POSTN: variants seen among roughly 807,000 people sequenced by gnomAD.
POSTN encodes periostin, also known as osteoblast specific factor 2 (fasciclin I-like).
POSTN carries 71 observed loss-of-function variants against 104.5 expected under a neutral mutation model. The observed-to-expected ratio is 0.68, with a 90% confidence interval of 0.56 to 0.83. The LOEUF (loss-of-function observed/expected upper bound fraction) is 0.83, where lower values mean the gene tolerates loss of function less well. Ranked by LOEUF, POSTN falls within the 40% of genes least tolerant of loss-of-function variation. POSTN has a pLI of 0.00. For synonymous variants in POSTN, 355 were observed against 340.7 expected (o/e 1.04, Z -0.46); for missense variants, 949 against 1,006.8 (o/e 0.94, Z 0.78).
rs781053975 is a variant in POSTN at position 37,597,293 on chromosome 13, G to A, written c.120-11C>T. 15 of 1,545,766 alleles carry A rather than the reference G, an allele frequency of 9.7e-6. No individual in the cohort carries two copies. In the East Asian group the frequency reaches 3.5e-4, roughly 37 times the overall value. Reference sequence around the variant, plus strand: ...GCACAGACATTTGGGCTGGAGGATAGAGGGAAAGGAAAAAAGTTAATGTCC... The same window carrying A: ...GCACAGACATTTGGGCTGGAGGATAAAGGGAAAGGAAAAAAGTTAATGTCC... On this transcript the variant is annotated splice_polypyrimidine_tract_variant and intron_variant, in intron 1 of 22. Coordinates refer to ENST00000379747, the MANE Select transcript of POSTN (RefSeq NM_006475.3).
At chr13:37,587,756 TA>T in intron 5 of POSTN, 65 bp downstream of exon 5, 1 of 1,251,828 alleles carries the variant, frequency 8.0e-7, no homozygotes, top group Non-Finnish European at 1.1e-6. Flanking sequence ...GAGCATTATA[TA>T]AAAAGTATAG....
chr13:37,578,570 G>C (rs1950481635), intron 15 of POSTN, among the ~76,000 whole-genome samples: 1 of 152,040 alleles, frequency 6.6e-6, no homozygotes, highest in Admixed American at 6.6e-5. Flanking sequence ...GGCTGAGGCG[G>C]GTGGATCACG....
chr13:37,593,126 A>G (rs1950991180), intron 2 of POSTN, among the ~76,000 whole-genome samples: 1 of 151,314 alleles, frequency 6.6e-6, no homozygotes, highest in South Asian at 2.1e-4. Context: ...GTTTAAAGTT[A>G]ACGAAGTGTG....
intron 22 of POSTN, among the ~76,000 whole-genome samples, chr13:37,563,625 T>C (rs1274937096): frequency 6.6e-6 from 1 of 152,090 alleles, no homozygotes; most frequent in Non-Finnish European, 1.5e-5. Context: ...TTACATAGAT[T>C]TACTGACACA....
chr13:37,594,711 C>T lies in POSTN; in HGVS notation c.218+2473G>A, dbSNP rs144414301. Among the ~76,000 whole-genome samples, 16 of 152,036 alleles carry T rather than the reference C, an allele frequency of 1.1e-4. No individual in the cohort carries two copies. The South Asian group carries it at 1.5e-3, about 14-fold the overall frequency. On this transcript the variant is annotated intron_variant, in intron 2 of 22. Transcript: ENST00000379747. Reference sequence around the variant, plus strand: ...AATATCTTGACCCTAGGAAGCTTCACGTTTTTCATTAGGCCTGCTCAGTTT... The same window carrying T: ...AATATCTTGACCCTAGGAAGCTTCATGTTTTTCATTAGGCCTGCTCAGTTT...
intron 17 of POSTN, among the ~76,000 whole-genome samples, chr13:37,571,748 C>T (rs896862317): frequency 6.6e-6 from 1 of 151,646 alleles, no homozygotes; most frequent in Non-Finnish European, 1.5e-5. Context: ...TATGATTATG[C>T]AAAATATTAT....
At chr13:37,569,222 C>T in intron 21 of POSTN, 78 bp downstream of exon 21, 1 of 983,154 alleles carries the variant, frequency 1.0e-6, no homozygotes, top group South Asian at 1.6e-5. Flanking sequence ...AAGAAAAAAT[C>T]TGCTTGCTCA....
At chr13:37,580,749 C>A in intron 10 of POSTN, 52 bp from the exon 11 acceptor site, 2 of 1,611,138 alleles carry the variant, frequency 1.2e-6, no homozygotes, top group Non-Finnish European at 1.7e-6. Flanking sequence ...TTGAAATTTC[C>A]CGTATAGATG....
intron 21 of POSTN, among the ~76,000 whole-genome samples, chr13:37,567,605 T>A (rs1950152014): frequency 6.6e-6 from 1 of 151,274 alleles, no homozygotes; most frequent in Admixed American, 6.6e-5. Flanking sequence ...AAACTTTTAA[T>A]TTTTTTTGTT....
rs768897966 is a variant in POSTN, at chr13:37,574,546, G to T, written c.2089+26C>A. The T allele has an allele frequency of 5.1e-6, 8 of 1,568,148 alleles. No individual in the cohort carries two copies. The South Asian group carries it at 9.7e-5, about 19-fold the overall frequency. On this transcript the variant is annotated intron_variant, in intron 17 of 22. Transcript: ENST00000379747. The stretch of plus-strand genomic sequence containing the variant: ...TTTACAGATGTTTTTACTATAAAAG[G>T]AACCATGTATAACATTGATTTTTAC...
chr13:37,580,658 T>C lies in POSTN; in HGVS notation c.1432A>G (p.Lys478Glu). 6.2e-7 allele frequency: 1 copy of C among 1,614,140 alleles called. No individual in the cohort carries two copies. Among genetic ancestry groups the C allele is most frequent in the Non-Finnish European group, 8.5e-7 (1 of 1,180,000 alleles). ...IENSCMEKGSKQGRNGAIHIF... is the reference protein window; with the variant it reads ...IENSCMEKGSEQGRNGAIHIF... Reference sequence around the variant, plus strand: ...TGAATCGCACCGTTTCTCCCTTGCTTACTCCCTTTCTCCATGCATGAATTT... The same window carrying C: ...TGAATCGCACCGTTTCTCCCTTGCTCACTCCCTTTCTCCATGCATGAATTT... Residue 478 changes from lysine to glutamate, a missense_variant, in exon 11 of 23, where the codon AAG (lysine) becomes GAG (glutamate). Physicochemically the swap from Lys to Glu is moderately conservative, Grantham distance 56 (BLOSUM62 1). Transcript: ENST00000379747.
intron 9 of POSTN, among the ~76,000 whole-genome samples, 193 bp from the exon 10 acceptor site, chr13:37,582,707 C>T (rs1223356347): frequency 2.0e-5 from 3 of 152,090 alleles, no homozygotes; most frequent in Admixed American, 6.6e-5. Context: ...ACTCTGTGAC[C>T]TATTGTATTA....
At chr13:37,584,236 C>A in intron 8 of POSTN, 133 bp from the exon 9 acceptor site, 1 of 1,060,936 alleles carries the variant, frequency 9.4e-7, no homozygotes, top group Admixed American at 2.7e-5. Context: ...GATAAGACAT[C>A]CTCCTCCTCC....
intron 16 of POSTN, 56 bp from the exon 17 acceptor site, chr13:37,574,708 G>GTT (rs369364775): frequency 1.9e-3 from 2,415 of 1,243,710 alleles, no homozygotes; most frequent in Middle Eastern, 4.2e-3. Context: ...CTGAACAAAG[G>GTT]TTTTTTTTTT....
At chr13:37,579,754 T>C in intron 12 of POSTN, 107 bp downstream of exon 12, 3 of 1,258,736 alleles carry the variant, frequency 2.4e-6, no homozygotes, top group Non-Finnish European at 3.3e-6. Flanking sequence ...TAACCATGAA[T>C]ACCAGAGAGG....
intron 8 of POSTN, 128 bp from the exon 9 acceptor site, chr13:37,584,231 G>T: frequency 8.7e-7 from 1 of 1,142,974 alleles, no homozygotes; most frequent in African/African-American, 1.6e-5. Flanking sequence ...AGTGTGATAA[G>T]ACATCCTCCT....
chr13:37,580,798 A>T, intron 10 of POSTN, 101 bp from the exon 11 acceptor site: 1 of 1,477,510 alleles, frequency 6.8e-7, no homozygotes, highest in South Asian at 1.3e-5. Flanking sequence ...CCCTTCTGAG[A>T]GGTTGCCTGG....
intron 4 of POSTN, 84 bp from the exon 5 acceptor site, chr13:37,588,070 G>A: frequency 9.1e-7 from 1 of 1,103,360 alleles, no homozygotes; most frequent in Non-Finnish European, 1.3e-6. Context: ...CTACTCTCTT[G>A]CTATTTTCTC....
chr13:37,573,264 A>G (rs1292732639), intron 17 of POSTN, among the ~76,000 whole-genome samples: 1 of 151,566 alleles, frequency 6.6e-6, no homozygotes, highest in African/African-American at 2.4e-5. Context: ...TGTATTATCA[A>G]AGATCATTGT....
Sources: gnomAD v4.1 joint callset for allele counts (sites outside exome capture counted in the v4.1 genomes callset) on GRCh38, gnomAD v4.1.1 for gene constraint, MANE v1.5 for transcripts, NCBI Gene and HGNC (gene_info 2026-07-23, HGNC 2026-07-21) for gene names.